CYFIP2: variants seen among roughly 807,000 people sequenced by gnomAD.
CYFIP2 encodes cytoplasmic FMR1 interacting protein 2.
A neutral mutation model predicts 158.7 loss-of-function variants in CYFIP2; 29 were observed. The ratio of observed to expected loss-of-function variants is 0.18; its 90% CI spans 0.14 to 0.25. CYFIP2 has a LOEUF of 0.25. CYFIP2 is among the 10% of genes least tolerant of loss of function. The pLI is 1.00. For synonymous variants in CYFIP2, 585 were observed against 617.6 expected, an observed-to-expected ratio of 0.95 and a Z score of 0.78; for missense variants, 852 against 1,639.5, an observed-to-expected ratio of 0.52 and a Z score of 8.29.
intron 28 of CYFIP2, among the ~76,000 whole-genome samples, chr5:157,388,573 C>G (rs937318594): frequency 2.6e-5 from 4 of 152,226 alleles, no homozygotes; most frequent in African/African-American, 7.2e-5. Context: ...CACATACTTT[C>G]ATCTGTGTGA....
chr5:157,320,465 T>C (rs1760502887), intron 14 of CYFIP2, among the ~76,000 whole-genome samples, 190 bp from the exon 15 acceptor site: 3 of 152,210 alleles, frequency 2.0e-5, no homozygotes, highest in African/African-American at 7.2e-5. Flanking sequence ...TAAACACAGA[T>C]TCCTGGACTG....
chr5:157,350,699 A>G (rs1354439385), intron 23 of CYFIP2, among the ~76,000 whole-genome samples: 1 of 152,170 alleles, frequency 6.6e-6, no homozygotes, highest in Non-Finnish European at 1.5e-5. Context: ...ATTGCATTGA[A>G]TTTGTGGATT....
intron 1 of CYFIP2, among the ~76,000 whole-genome samples, chr5:157,268,560 G>A (rs925032863): frequency 5.9e-5 from 9 of 152,140 alleles, no homozygotes; most frequent in Non-Finnish European, 1.0e-4. Context: ...AAAACAGTAC[G>A]GGTCCCAGTC....
intron 28 of CYFIP2, among the ~76,000 whole-genome samples, chr5:157,383,993 A>G (rs1766389181): frequency 6.6e-6 from 1 of 152,228 alleles, no homozygotes; most frequent in Admixed American, 6.5e-5. Context: ...ACAAAACCAT[A>G]TAAAACTCTT....
intron 1 of CYFIP2, 146 bp from the exon 2 acceptor site, chr5:157,285,193 C>CA: frequency 1.7e-6 from 1 of 601,628 alleles, no homozygotes; most frequent in Middle Eastern, 3.8e-4. Flanking sequence ...ACATCGAGAG[C>CA]ACCTTGGGAA....
At chr5:157,276,541 C>T (rs1038907807) in intron 1 of CYFIP2, among the ~76,000 whole-genome samples, 2 of 152,166 alleles carry the variant, frequency 1.3e-5, no homozygotes. Flanking sequence ...GAGGCACTAA[C>T]TTTTATCGAG....
chr5:157,280,747 C>T (rs1480948523), intron 1 of CYFIP2, among the ~76,000 whole-genome samples: 11 of 151,932 alleles, frequency 7.2e-5, no homozygotes, highest in Admixed American at 5.3e-4. Context: ...CATTTCTATT[C>T]ACTCTTCCCC....
Position 157,361,424 on chromosome 5 carries a change from G to A in CYFIP2, c.2909-44G>A, listed in dbSNP as rs1221862822. On this transcript the variant is annotated intron_variant, in intron 25 of 30. Transcript: ENST00000620254. The surrounding 1 kb of genome is among the most constrained non-coding windows in gnomAD (Gnocchi z 4.4). ...GTCATTGTTTCCCATAGACCCTACTGAGCAGTGTCAACTTCCCACTGACCA... is the reference window on the plus strand; with the variant it reads ...GTCATTGTTTCCCATAGACCCTACTAAGCAGTGTCAACTTCCCACTGACCA... 6.2e-7 allele frequency: 1 copy of A among 1,612,300 alleles called. No homozygotes were observed. The highest frequency in any genetic ancestry group is 1.7e-5 in the Admixed American group (1 of 59,964).
intron 4 of CYFIP2, 62 bp downstream of exon 4, chr5:157,294,922 A>G (rs1488773676): frequency 2.2e-6 from 3 of 1,366,308 alleles, no homozygotes; most frequent in African/African-American, 1.4e-5. Flanking sequence ...CCCCTACTTC[A>G]TCCCCAAACC....
intron 28 of CYFIP2, among the ~76,000 whole-genome samples, chr5:157,386,927 T>TTAA (rs2068707989): frequency 1.5e-5 from 2 of 132,474 alleles, no homozygotes; most frequent in African/African-American, 5.7e-5. Context: ...CTCGAAGATT[T>TTAA]AAAAAAAAAA....
intron 28 of CYFIP2, among the ~76,000 whole-genome samples, chr5:157,388,161 A>G (rs1766885040): frequency 6.6e-6 from 1 of 152,084 alleles, no homozygotes; most frequent in Non-Finnish European, 1.5e-5. Context: ...AGATTTGGAG[A>G]CCTTACTTTA....
In CYFIP2 at chr5:157,301,371, C is replaced by T. The variant is rs573444351; in HGVS notation, c.569+475C>T. The stretch of plus-strand genomic sequence containing the variant: ...TGAGTGCCTCCAGCTCTCAGGTCAA[C>T]CTCCTCCTCTACATTGGCTTCATTC... On this transcript the variant is annotated intron_variant, in intron 6 of 30. Transcript: ENST00000620254. 2.6e-5 allele frequency among the ~76,000 whole-genome samples: 4 copies of T among 152,316 alleles called. No homozygotes were observed. The South Asian group carries it at 8.3e-4, about 32-fold the overall frequency.
At chr5:157,288,787 C>T in intron 3 of CYFIP2, 1 of 355,838 alleles carries the variant, frequency 2.8e-6, no homozygotes, top group Non-Finnish European at 5.5e-6. Context: ...GACTACAAAA[C>T]CTTTGCTCCA....
intron 15 of CYFIP2, among the ~76,000 whole-genome samples, chr5:157,323,205 C>T (rs1348205551): frequency 2.0e-5 from 3 of 152,182 alleles, no homozygotes; most frequent in Non-Finnish European, 4.4e-5. Context: ...ACCCTGTAAG[C>T]GGGAGTTAAT....
chr5:157,299,872 A>G (rs1164188011), intron 5 of CYFIP2, among the ~76,000 whole-genome samples: 5 of 152,236 alleles, frequency 3.3e-5, no homozygotes, highest in Non-Finnish European at 7.3e-5. Context: ...ACTGCATTCC[A>G]GCCTGGGTAA....
chr5:157,276,321 G>T (rs1274022676), intron 1 of CYFIP2, among the ~76,000 whole-genome samples: 1 of 152,036 alleles, frequency 6.6e-6, no homozygotes, highest in Non-Finnish European at 1.5e-5. Flanking sequence ...CTAGTTTTTT[G>T]AGTGTTTTTA....
chr5:157,388,409 G>C (rs913121424), intron 28 of CYFIP2, among the ~76,000 whole-genome samples: 1 of 152,134 alleles, frequency 6.6e-6, no homozygotes, highest in African/African-American at 2.4e-5. Flanking sequence ...GAAATCATGG[G>C]CAAGTTTTAA....
At chr5:157,387,674 ATTT>A (rs3052309) in intron 28 of CYFIP2, among the ~76,000 whole-genome samples, 35 of 146,036 alleles carry the variant, frequency 2.4e-4, no homozygotes, top group South Asian at 8.6e-4. Context: ...CAGGCTCAGG[ATTT>A]TTTTTTTTTT....
chr5:157,289,939 A>G (rs1757691005), intron 3 of CYFIP2, among the ~76,000 whole-genome samples: 1 of 152,112 alleles, frequency 6.6e-6, no homozygotes, highest in African/African-American at 2.4e-5. Flanking sequence ...GAGGCAAATA[A>G]ATTAGTCAAG....
Sources: allele counts gnomAD v4.1 joint callset (sites outside exome capture counted in the v4.1 genomes callset), GRCh38; gene constraint gnomAD v4.1.1; non-coding constraint Gnocchi (gnomAD v3.1); transcripts MANE v1.5; gene names NCBI Gene and HGNC (gene_info 2026-07-23, HGNC 2026-07-21).